GHRHR: variants seen among roughly 807,000 people sequenced by gnomAD.
GHRHR encodes the protein growth hormone-releasing hormone receptor.
GHRHR carries 40 observed loss-of-function variants against 58.3 expected under a neutral mutation model. The observed-to-expected ratio is 0.69, with a 90% CI of 0.53 to 0.89. The LOEUF (loss-of-function observed/expected upper bound fraction) is 0.89, where lower values mean the gene tolerates loss of function less well. GHRHR is among the 40% of genes least tolerant of loss of function. The pLI is 0.00. For missense variants in GHRHR, 551 were observed against 541.3 expected (o/e 1.02, Z -0.18); for synonymous variants, 249 against 216.6 (o/e 1.15, Z -1.31).
In GHRHR at chr7:30,976,525, C is replaced by A. The variant is rs557474309; in HGVS notation, c.1071C>A (p.Arg357=). The A allele has an allele frequency of 1.4e-5, 23 of 1,613,602 alleles. No individual in the cohort carries two copies. The highest frequency in any genetic ancestry group is 8.3e-5 in the Admixed American group (5 of 60,000). The change falls in exon 11 of 13, where the codon CGC becomes CGA. Residue 357 remains arginine, a synonymous_variant. Transcript: ENST00000326139. ...FLPDNAGLGI[R]LPLELGLGSF... is the part of the protein sequence containing the mutation. ...CAGACAATGCTGGCCTGGGCATCCG[C>A]CTCCCCCTGGAGCTGGGACTGGGTT...
intron 10 of GHRHR, 88 bp from the exon 11 acceptor site, chr7:30,976,341 G>A: frequency 8.3e-7 from 1 of 1,201,716 alleles, no homozygotes; most frequent in Non-Finnish European, 1.2e-6. Flanking sequence ...AGTGGATATA[G>A]GGAGGTGGTA....
intron 12 of GHRHR, among the ~76,000 whole-genome samples, chr7:30,978,313 C>T (rs894682733): frequency 6.6e-6 from 1 of 152,104 alleles, no homozygotes; most frequent in Admixed American, 6.5e-5. Context: ...GCATCCCAGG[C>T]TGAGGCTGGT....
At position 30,972,002 on chromosome 7, in the gene GHRHR, G is replaced by A. The variant is rs1357902237; in HGVS notation, c.504G>A (p.Leu168=). The A allele has an allele frequency of 1.9e-6, 3 of 1,613,978 alleles. No homozygotes were observed. The highest frequency in any genetic ancestry group is 2.2e-5 in the East Asian group (1 of 44,862). ...CCCGGAACTACGTCCACACCCAGCT[G>A]TTCACCACTTTTATCCTCAAGGCGG... is the stretch of plus-strand genomic sequence containing the variant. The part of the protein sequence containing the change: ...HCPRNYVHTQ[L]FTTFILKAGA... Residue 168 remains leucine, a synonymous_variant, in exon 6 of 13, where the codon CTG becomes CTA. Transcript: ENST00000326139.
intron 6 of GHRHR, among the ~76,000 whole-genome samples, chr7:30,973,435 T>C (rs1309609278): frequency 6.6e-6 from 1 of 152,176 alleles, no homozygotes; most frequent in Non-Finnish European, 1.5e-5. Flanking sequence ...GTTGGCAAGG[T>C]CACCCAGTGG....
chr7:30,965,440 C>T (rs1394650088), intron 1 of GHRHR, among the ~76,000 whole-genome samples: 3 of 152,156 alleles, frequency 2.0e-5, no homozygotes, highest in Non-Finnish European at 4.4e-5. Context: ...TGACTGGGAG[C>T]CCCAGGATGT....
In GHRHR at chr7:30,969,053, C is replaced by G. The variant is rs773941149; in HGVS notation, c.161-10C>G. 2 of 1,573,760 alleles carry G rather than the reference C, an allele frequency of 1.3e-6. No homozygotes were observed. Among genetic ancestry groups the G allele is most frequent in the South Asian group, 1.2e-5 (1 of 86,288 alleles). ...GGCTGAGTCTCTGCTGCTCCTGGCT[C>G]TCTATCCAGGCTGCCCTGCGACCTG... On this transcript the variant is annotated splice_polypyrimidine_tract_variant and intron_variant, in intron 2 of 12. Transcript: ENST00000326139.
At chr7:30,964,376 G>A (rs1240742613) in intron 1 of GHRHR, among the ~76,000 whole-genome samples, 1 of 146,406 alleles carries the variant, frequency 6.8e-6, no homozygotes, top group Admixed American at 6.9e-5. Flanking sequence ...GCTGAGCTGA[G>A]CTCACCTTCT....
chr7:30,969,926 G>A lies in GHRHR; in HGVS notation c.328G>A (p.Val110Met), dbSNP rs149024880. ...GWSEPFPPYP[V>M]ACPVPLELLA... ...GTCTGAGCCCTTTCCACCTTACCCT[G>A]TGGCCTGCCCTGTGCCTCTGGAGCT... The change falls in exon 4 of 13, where the codon GTG (valine) becomes ATG (methionine). Residue 110 changes from valine to methionine, a missense_variant. Transcript: ENST00000326139. 2.1e-5 allele frequency: 32 copies of A among 1,545,216 alleles called. No homozygotes were observed. The highest frequency in any genetic ancestry group is 2.5e-5 in the Non-Finnish European group (28 of 1,117,022).
At chr7:30,969,580 C>T (rs71530540) in intron 3 of GHRHR, 165 of 605,534 alleles carry the variant, frequency 2.7e-4, no homozygotes, top group Non-Finnish European at 4.3e-4. Context: ...TCTTTTCTCC[C>T]TACTGCCCTT....
intron 11 of GHRHR, 69 bp downstream of exon 11, chr7:30,976,627 C>T: frequency 7.1e-7 from 1 of 1,412,734 alleles, no homozygotes; most frequent in Non-Finnish European, 9.9e-7. Context: ...TGCCCACGGG[C>T]CTTGGCTGAG....
chr7:30,968,878 G>A lies in GHRHR; in HGVS notation c.102G>A (p.Leu34=). Reference sequence around the variant, plus strand: ...CAGAATGTGACTTCATCACCCAGCTGAGAGAGGATGAGAGTGCCTGTCTAC... The same window carrying A: ...CAGAATGTGACTTCATCACCCAGCTAAGAGAGGATGAGAGTGCCTGTCTAC... ...MHPECDFITQ[L]REDESACLQA... is the part of the protein sequence containing the mutation. Residue 34 remains leucine, a synonymous_variant, in exon 2 of 13, where the codon CTG becomes CTA. Transcript: ENST00000326139. 1.2e-6 allele frequency: 2 copies of A among 1,613,944 alleles called. No individual in the cohort carries two copies. The highest frequency in any genetic ancestry group is 1.7e-6 in the Non-Finnish European group (2 of 1,179,894).
At position 30,979,330 on chromosome 7, in the gene GHRHR, C is replaced by A. The variant is rs35624572; in HGVS notation, c.*86C>A. 5.1e-6 allele frequency: 7 copies of A among 1,362,210 alleles called. No homozygotes were observed. Among genetic ancestry groups the A allele is most frequent in the Non-Finnish European group, 7.2e-6 (7 of 973,906 alleles). 84.4% of individuals were successfully genotyped at this position (1,362,210 alleles called of 1,614,324 possible). Reference sequence around the variant, plus strand: ...ATGCTCTGGAGGAGCAAGGGGGCCACATCCCCACCCCAGCTGTTACCCAGC... The same window carrying A: ...ATGCTCTGGAGGAGCAAGGGGGCCAAATCCCCACCCCAGCTGTTACCCAGC... On this transcript the variant is annotated 3_prime_UTR_variant, in exon 13 of 13. Transcript: ENST00000326139.
rs531731773 is a variant in GHRHR at position 30,965,547 on chromosome 7, C to T, written c.57+1422C>T. Among the ~76,000 whole-genome samples the T allele has an allele frequency of 3.3e-5, 5 of 152,372 alleles. No individual in the cohort carries two copies. In the East Asian group the frequency reaches 9.6e-4, roughly 29 times the overall value. Reference sequence around the variant, plus strand: ...CTTCCCTCCCTAGAATCTCTCCTTACATCTGGCCCTATGCCCACACATCCT... The same window carrying T: ...CTTCCCTCCCTAGAATCTCTCCTTATATCTGGCCCTATGCCCACACATCCT... On this transcript the variant is annotated intron_variant, in intron 1 of 12. Coordinates refer to ENST00000326139, the MANE Select transcript of GHRHR (RefSeq NM_000823.4).
chr7:30,964,186 G>A, intron 1 of GHRHR, 61 bp downstream of exon 1: 1 of 1,417,602 alleles, frequency 7.1e-7, no homozygotes, highest in Non-Finnish European at 9.7e-7. Flanking sequence ...GGGAGCCACA[G>A]GGCCAACTGG....
At chr7:30,974,941 C>A in intron 8 of GHRHR, 30 bp from the exon 9 acceptor site, 2 of 1,523,074 alleles carry the variant, frequency 1.3e-6, no homozygotes, top group Non-Finnish European at 1.8e-6. Flanking sequence ...GGGGACTTTC[C>A]AACAACGGCC....
chr7:30,967,730 A>G (rs1360054687), intron 1 of GHRHR, among the ~76,000 whole-genome samples: 1 of 150,780 alleles, frequency 6.6e-6, no homozygotes, highest in African/African-American at 2.4e-5. Context: ...TCCTTTTTTT[A>G]TGCAGCCTTC....
In GHRHR at chr7:30,976,461, C is replaced by T. The variant is rs149182247; in HGVS notation, c.1007C>T (p.Pro336Leu). 9.3e-6 allele frequency: 15 copies of T among 1,613,390 alleles called. No individual in the cohort carries two copies. Among genetic ancestry groups the T allele is most frequent in the African/African-American group, 1.3e-5 (1 of 75,012 alleles). ...RLSKSTLFLI[P>L]LFGIHYIIFN... ...TCCAAGTCGACACTTTTCCTGATCC[C>T]ACTCTTTGGAATTCACTACATCATC... Residue 336 changes from proline (P) to leucine (L), a missense_variant, in exon 11 of 13, where the codon CCA becomes CTA. By Grantham distance (98) the Pro-to-Leu change is moderately conservative (BLOSUM62 -3). Coordinates refer to ENST00000326139, the MANE Select transcript of GHRHR (RefSeq NM_000823.4).
rs1792545349 is a variant in GHRHR, at chr7:30,974,826, GTGAGACCTTAACTGGC to G, written c.813-138_813-123del. 9 of 747,974 alleles carry G rather than the reference GTGAGACCTTAACTGGC, an allele frequency of 1.2e-5. No individual in the cohort carries two copies. The East Asian group carries it at 2.3e-4, about 19-fold the overall frequency. 46.3% of individuals were successfully genotyped at this position (747,974 alleles called of 1,614,324 possible). A position where few individuals can be genotyped will look rare whatever the true frequency, so the allele number is the denominator to read the frequency against. On this transcript the variant is annotated intron_variant, in intron 8 of 12. Transcript: ENST00000326139. The stretch of plus-strand genomic sequence containing the variant: ...AGCCTGGATTGGGGTGCCCCTTTGG[GTGAGACCTTAACTGGC>G]TGAGACAGGAGAAAAGGCTGGAGGG...
chr7:30,964,898 G>A (rs1033497540), intron 1 of GHRHR, among the ~76,000 whole-genome samples: 1 of 152,134 alleles, frequency 6.6e-6, no homozygotes, highest in Non-Finnish European at 1.5e-5. Flanking sequence ...GTTCTGGGAT[G>A]GTGAGGGCCT....
Sources: gnomAD v4.1 joint callset for allele counts (sites outside exome capture counted in the v4.1 genomes callset) on GRCh38, gnomAD v4.1.1 for gene constraint, MANE v1.5 for transcripts, NCBI Gene and HGNC (gene_info 2026-07-23, HGNC 2026-07-21) for gene names.